CDH4: variants seen among roughly 807,000 people sequenced by gnomAD.
CDH4 encodes cadherin-4.
CDH4 carries 33 observed loss-of-function variants against 86.0 expected under a neutral mutation model. The ratio of observed to expected loss-of-function variants is 0.38; its 90% CI spans 0.29 to 0.51. CDH4 has a LOEUF of 0.51. CDH4 is among the 20% of genes least tolerant of loss of function. CDH4 has a pLI of 0.86. For synonymous variants in CDH4, 555 were observed against 549.4 expected, an observed-to-expected ratio of 1.01 and a Z score of -0.14; for missense variants, 1,114 against 1,307.4, an observed-to-expected ratio of 0.85 and a Z score of 2.28.
At chr20:61,329,802 T>C (rs1023886203) in intron 2 of CDH4, among the ~76,000 whole-genome samples, 6 of 152,224 alleles carry the variant, frequency 3.9e-5, no homozygotes, top group Non-Finnish European at 8.8e-5. Context: ...CTAGGTATTA[T>C]GCCCTACGTG....
chr20:61,457,344 C>T (rs1175613887), intron 2 of CDH4, among the ~76,000 whole-genome samples: 2 of 152,166 alleles, frequency 1.3e-5, no homozygotes, highest in Non-Finnish European at 2.9e-5. Flanking sequence ...CTTCAGATAA[C>T]TCTGTTAAAA....
intron 6 of CDH4, among the ~76,000 whole-genome samples, chr20:61,868,915 G>A (rs1426499425): frequency 6.6e-6 from 1 of 152,232 alleles, no homozygotes; most frequent in Non-Finnish European, 1.5e-5. Flanking sequence ...CTCCAGCTGT[G>A]GCACCTGCAG....
intron 2 of CDH4, among the ~76,000 whole-genome samples, chr20:61,524,106 A>G (rs1191745684): frequency 1.3e-5 from 2 of 152,154 alleles, no homozygotes; most frequent in African/African-American, 2.4e-5. Flanking sequence ...TATTAAAGCT[A>G]TGGGAGAAAA....
rs768946421 is a variant in CDH4, at chr20:61,510,453, A to G, written c.170-233110A>G. Among the ~76,000 whole-genome samples, 2 of 152,210 alleles carry G rather than the reference A, an allele frequency of 1.3e-5. No individual in the cohort carries two copies. Among genetic ancestry groups the G allele is most frequent in the African/African-American group, 2.4e-5 (1 of 41,456 alleles). ...AAAGAGCTGGAAGGATACGTTTACT[A>G]TCGGAATGCCCGCATGCCTGCTGGG... On this transcript the variant is annotated intron_variant, in intron 2 of 15. Transcript: ENST00000614565. The surrounding 1 kb of genome is among the most constrained non-coding windows in gnomAD (Gnocchi z 4.2).
intron 2 of CDH4, among the ~76,000 whole-genome samples, chr20:61,397,140 G>C (rs1424136513): frequency 1.3e-5 from 2 of 152,118 alleles, no homozygotes; most frequent in East Asian, 3.9e-4. Context: ...AAATTGCTGA[G>C]CTTGGGCAAT....
At position 61,670,416 on chromosome 20, in the gene CDH4, G is replaced by A. The variant is rs73306699; in HGVS notation, c.170-73147G>A. Among the ~76,000 whole-genome samples, 587 of 152,294 alleles carry A rather than the reference G, an allele frequency of 3.9e-3. 1 individual carries two copies. Among genetic ancestry groups the A allele is most frequent in the African/African-American group, 0.014 (567 of 41,562 alleles). ...ATATATCCACCTCTGACCTGGTCAT[G>A]GGGTCTAGGCCATGGCCTCTGTGCA... On this transcript the variant is annotated intron_variant, in intron 2 of 15. Transcript: ENST00000614565.
At chr20:61,313,628 G>A (rs1296533577) in intron 2 of CDH4, among the ~76,000 whole-genome samples, 4 of 152,246 alleles carry the variant, frequency 2.6e-5, no homozygotes. Context: ...CATCACAGGG[G>A]TGGTCACAGT....
chr20:61,817,925 T>C (rs2146058994), intron 4 of CDH4, among the ~76,000 whole-genome samples: 1 of 152,326 alleles, frequency 6.6e-6, no homozygotes, highest in African/African-American at 2.4e-5. Context: ...TTGGGACTTC[T>C]TGACCTCCAG....
intron 2 of CDH4, among the ~76,000 whole-genome samples, chr20:61,690,239 G>A (rs958544204): frequency 2.0e-5 from 3 of 152,092 alleles, no homozygotes; most frequent in African/African-American, 7.2e-5. Context: ...GTAATTGGGC[G>A]GGGACAGTGG....
At chr20:61,420,095 G>A (rs1403429618) in intron 2 of CDH4, among the ~76,000 whole-genome samples, 1 of 152,222 alleles carries the variant, frequency 6.6e-6, no homozygotes, top group Non-Finnish European at 1.5e-5. Flanking sequence ...CCTGCGAAGG[G>A]GCACTAGGCA....
intron 2 of CDH4, among the ~76,000 whole-genome samples, chr20:61,713,670 G>GC (rs1568771726): frequency 6.6e-6 from 1 of 152,204 alleles, no homozygotes; most frequent in African/African-American, 2.4e-5. Flanking sequence ...GGCAAGGGCT[G>GC]CCCCCCACTG....
chr20:61,638,195 G>A lies in CDH4; in HGVS notation c.170-105368G>A, dbSNP rs916864947. 2.0e-5 allele frequency among the ~76,000 whole-genome samples: 3 copies of A among 152,294 alleles called. No homozygotes were observed. In the South Asian group the frequency reaches 6.2e-4, roughly 32 times the overall value. ...GTTGAGGGAAGGCCCCACATATAAG[G>A]TGCTGATCTATGGATCGGCTGCCCC... On this transcript the variant is annotated intron_variant, in intron 2 of 15. Transcript: ENST00000614565.
At chr20:61,316,993 T>G (rs1344474215) in intron 2 of CDH4, among the ~76,000 whole-genome samples, 5 of 151,488 alleles carry the variant, frequency 3.3e-5, no homozygotes, top group African/African-American at 1.2e-4. Flanking sequence ...GTGATAAGTC[T>G]TGCACGTAAC....
chr20:61,448,162 C>A (rs2085362315), intron 2 of CDH4, among the ~76,000 whole-genome samples: 1 of 152,260 alleles, frequency 6.6e-6, no homozygotes, highest in African/African-American at 2.4e-5. Flanking sequence ...AGACTCCATG[C>A]TGGCTGGAAG....
At chr20:61,257,255 C>CA (rs1344744463) in intron 2 of CDH4, among the ~76,000 whole-genome samples, 1 of 152,216 alleles carries the variant, frequency 6.6e-6, no homozygotes, top group Admixed American at 6.5e-5. Context: ...ACAGCAGCCC[C>CA]AAACATACAG....
chr20:61,701,547 G>A (rs1280682684), intron 2 of CDH4, among the ~76,000 whole-genome samples: 1 of 152,254 alleles, frequency 6.6e-6, no homozygotes, highest in Non-Finnish European at 1.5e-5. Context: ...GTGGGGACCA[G>A]CCCTGTGGGC....
At position 61,459,850 on chromosome 20, in the gene CDH4, C is replaced by T. The variant is rs560451418; in HGVS notation, c.169+204913C>T. Among the ~76,000 whole-genome samples, 228 of 152,080 alleles carry T rather than the reference C, an allele frequency of 1.5e-3. 1 individual carries two copies. The highest frequency in any genetic ancestry group is 5.4e-3 in the African/African-American group (224 of 41,490). ...ACTTCTCAGAAGGCAGCTCCTTGAA[C>T]CCACACACCACCCCAGGGCAGGAAA... On this transcript the variant is annotated intron_variant, in intron 2 of 15. Transcript: ENST00000614565.
At position 61,684,173 on chromosome 20, in the gene CDH4, C is replaced by T. The variant is rs1236720616; in HGVS notation, c.170-59390C>T. Among the ~76,000 whole-genome samples the T allele has an allele frequency of 6.6e-6, 1 of 152,196 alleles. No individual in the cohort carries two copies. Among genetic ancestry groups the T allele is most frequent in the Non-Finnish European group, 1.5e-5 (1 of 68,032 alleles). On this transcript the variant is annotated intron_variant, in intron 2 of 15. Transcript: ENST00000614565. The surrounding 1 kb of genome is among the most constrained non-coding windows in gnomAD (Gnocchi z 4.5). ...CTCTGGATGCCAAACATTCTAGAAA[C>T]CCCCAAAGGAATAAATGCAGCCGTT...
chr20:61,330,115 C>G (rs1481092320), intron 2 of CDH4, among the ~76,000 whole-genome samples: 1 of 152,046 alleles, frequency 6.6e-6, no homozygotes, highest in Non-Finnish European at 1.5e-5. Flanking sequence ...GATTCCATGT[C>G]TTTGCTATTG....
Sources: allele counts gnomAD v4.1 joint callset (sites outside exome capture counted in the v4.1 genomes callset), GRCh38; gene constraint gnomAD v4.1.1; non-coding constraint Gnocchi (gnomAD v3.1); transcripts MANE v1.5; gene names NCBI Gene and HGNC (gene_info 2026-07-23, HGNC 2026-07-21).